Variants in CADM1 observed in about 807,000 individuals in gnomAD.
CADM1 encodes TSLC-1.
CADM1 carries 15 observed loss-of-function variants against 53.1 expected under a neutral mutation model. That is an observed-to-expected ratio of 0.28 (90% CI 0.19 to 0.44). The LOEUF is 0.44. Ranked by LOEUF, CADM1 falls within the 20% of genes least tolerant of loss-of-function variation. The probability of loss-of-function intolerance (pLI) is 1.00; values close to 1 mark genes in which losing one functional copy is unlikely to be tolerated. For synonymous variants in CADM1, 281 were observed against 243.0 expected, an observed-to-expected ratio of 1.16 and a Z score of -1.45; for missense variants, 434 against 611.3, an observed-to-expected ratio of 0.71 and a Z score of 3.06.
intron 9 of CADM1, among the ~76,000 whole-genome samples, chr11:115,191,854 T>C (rs1004905588): frequency 3.3e-5 from 5 of 152,246 alleles, no homozygotes; most frequent in Admixed American, 6.5e-5. Context: ...CTTAGGTCTT[T>C]TAAGTTGCAC....
intron 1 of CADM1, among the ~76,000 whole-genome samples, chr11:115,478,178 T>C (rs770474708): frequency 2.6e-5 from 4 of 152,162 alleles, no homozygotes. Context: ...TCTGGTATTG[T>C]ATATGGAGAT....
intron 1 of CADM1, among the ~76,000 whole-genome samples, chr11:115,316,296 C>CT (rs770621523): frequency 3.7e-4 from 56 of 152,246 alleles, no homozygotes; most frequent in Non-Finnish European, 5.4e-4. Flanking sequence ...TTAGCTATGT[C>CT]TAATGAGAAA....
chr11:115,204,714 G>T (rs1033352479), intron 8 of CADM1, among the ~76,000 whole-genome samples: 1 of 152,202 alleles, frequency 6.6e-6, no homozygotes, highest in African/African-American at 2.4e-5. Flanking sequence ...CTGGTGTCAA[G>T]TTTCCCCACT....
chr11:115,224,568 T>C (rs1201563182), intron 5 of CADM1, among the ~76,000 whole-genome samples: 1 of 152,084 alleles, frequency 6.6e-6, no homozygotes, highest in African/African-American at 2.4e-5. Flanking sequence ...TTGCCAAACA[T>C]TTTAAAGAGC....
At chr11:115,228,169 C>T (rs1941684804) in intron 5 of CADM1, among the ~76,000 whole-genome samples, 1 of 152,168 alleles carries the variant, frequency 6.6e-6, no homozygotes, top group Non-Finnish European at 1.5e-5. Flanking sequence ...AATCAATGAA[C>T]GATCCATCCC....
chr11:115,234,066 T>A (rs760705063), intron 3 of CADM1, among the ~76,000 whole-genome samples: 9 of 152,238 alleles, frequency 5.9e-5, no homozygotes, highest in Non-Finnish European at 5.9e-5. Flanking sequence ...TGAGTCTTAG[T>A]GGAATTTACC....
chr11:115,225,749 T>C (rs1253382398), intron 5 of CADM1, among the ~76,000 whole-genome samples: 1 of 152,198 alleles, frequency 6.6e-6, no homozygotes, highest in Non-Finnish European at 1.5e-5. Context: ...CCTGTCTTAC[T>C]TAAAGTAAGA....
intron 1 of CADM1, among the ~76,000 whole-genome samples, chr11:115,392,724 G>T (rs1186349833): frequency 1.3e-5 from 2 of 152,072 alleles, no homozygotes; most frequent in South Asian, 4.1e-4. Context: ...TTCCAGCCAG[G>T]AGGAAGGAAA....
chr11:115,489,233 C>T (rs1159771942), intron 1 of CADM1, among the ~76,000 whole-genome samples: 1 of 152,178 alleles, frequency 6.6e-6, no homozygotes, highest in Non-Finnish European at 1.5e-5. Context: ...TATGAACAAA[C>T]ACACTAGAAG....
chr11:115,462,593 T>C (rs540469883), intron 1 of CADM1, among the ~76,000 whole-genome samples: 6 of 152,254 alleles, frequency 3.9e-5, no homozygotes, highest in Admixed American at 6.5e-5. Context: ...ACCTATTAAA[T>C]ATTCCACAAA....
intron 1 of CADM1, among the ~76,000 whole-genome samples, chr11:115,324,970 T>A (rs536462008): frequency 6.2e-4 from 94 of 152,262 alleles, no homozygotes; most frequent in African/African-American, 2.3e-3. Flanking sequence ...TTTTCCCCTT[T>A]AAGTGCCCAG....
At position 115,176,223 on chromosome 11, in the gene CADM1, A is replaced by G; in HGVS notation, c.*251T>C. 1 of 1,248,956 alleles carries G rather than the reference A, an allele frequency of 8.0e-7. No homozygotes were observed. Among genetic ancestry groups the G allele is most frequent in the South Asian group, 1.6e-5 (1 of 62,814 alleles). 77.4% of individuals were successfully genotyped at this position (1,248,956 alleles called of 1,614,324 possible). A position where few individuals can be genotyped will look rare whatever the true frequency, so the allele number is the denominator to read the frequency against. On this transcript the variant is annotated 3_prime_UTR_variant, in exon 12 of 12. Coordinates refer to ENST00000331581, the MANE Select transcript of CADM1 (RefSeq NM_001301043.2). ...TACTGAAACTAAATCCAAGTATCCA[A>G]GTTTGACTTGGTAGGAAGAAATAAA...
intron 1 of CADM1, among the ~76,000 whole-genome samples, chr11:115,448,654 TG>T (rs1351727533): frequency 2.8e-5 from 1 of 36,154 alleles, no homozygotes; most frequent in Non-Finnish European, 5.3e-5. Flanking sequence ...TAATGTGTGT[TG>T]GGGGGTAGGA....
intron 1 of CADM1, among the ~76,000 whole-genome samples, chr11:115,354,584 C>T (rs1945816036): frequency 6.6e-6 from 1 of 152,170 alleles, no homozygotes; most frequent in Non-Finnish European, 1.5e-5. Flanking sequence ...ACACAAACTT[C>T]AATAGGACAC....
At chr11:115,325,003 G>T (rs1330696659) in intron 1 of CADM1, among the ~76,000 whole-genome samples, 2 of 152,158 alleles carry the variant, frequency 1.3e-5, no homozygotes, top group African/African-American at 4.8e-5. Context: ...AGTATGAACA[G>T]CTTCACTGCA....
At position 115,387,030 on chromosome 11, in the gene CADM1, G is replaced by A. The variant is rs185042699; in HGVS notation, c.124+117241C>T. On this transcript the variant is annotated intron_variant, in intron 1 of 11. Coordinates refer to ENST00000331581, the MANE Select transcript of CADM1 (RefSeq NM_001301043.2). ...CAGGGAACATAACCCATTGTACACA[G>A]ACAAAGGGGCTAAGCAAGCCTCTGT... is the stretch of plus-strand genomic sequence containing the variant. 2.2e-3 allele frequency among the ~76,000 whole-genome samples: 328 copies of A among 152,304 alleles called. 1 individual carries two copies. The highest frequency in any genetic ancestry group is 7.7e-3 in the African/African-American group (320 of 41,554).
chr11:115,254,460 T>C (rs1181341707), intron 1 of CADM1, among the ~76,000 whole-genome samples: 1 of 151,936 alleles, frequency 6.6e-6, no homozygotes, highest in Non-Finnish European at 1.5e-5. Context: ...ACAAGACTCT[T>C]GGAAGGAAAC....
chr11:115,192,882 A>G (rs1304487723), intron 9 of CADM1, among the ~76,000 whole-genome samples: 2 of 152,246 alleles, frequency 1.3e-5, no homozygotes, highest in African/African-American at 4.8e-5. Context: ...TTTAAAATAT[A>G]TCAAGTTATC....
At chr11:115,490,177 A>G (rs1441215507) in intron 1 of CADM1, among the ~76,000 whole-genome samples, 4 of 152,180 alleles carry the variant, frequency 2.6e-5, no homozygotes, top group African/African-American at 7.2e-5. Flanking sequence ...CTAGCAGTAA[A>G]TGAAACAATT....
Sources: allele counts gnomAD v4.1 joint callset (sites outside exome capture counted in the v4.1 genomes callset), GRCh38; gene constraint gnomAD v4.1.1; transcripts MANE v1.5; gene names NCBI Gene and HGNC (gene_info 2026-07-23, HGNC 2026-07-21).